Variants in WAPL observed in about 807,000 individuals in gnomAD.
The protein encoded by WAPL is wings apart-like protein homolog.
In WAPL, 5 loss-of-function variants were observed where a neutral mutation model predicts 121.0. The ratio of observed to expected loss-of-function variants is 0.04; its 90% confidence interval spans 0.02 to 0.09. The LOEUF (loss-of-function observed/expected upper bound fraction) is 0.09. Ranked by LOEUF, WAPL falls within the 10% of genes least tolerant of loss-of-function variation. The pLI is 1.00. For synonymous variants in WAPL, 480 were observed against 481.5 expected, an observed-to-expected ratio of 1.00 and a Z score of 0.04; for missense variants, 999 against 1,410.8, an observed-to-expected ratio of 0.71 and a Z score of 4.68.
intron 2 of WAPL, among the ~76,000 whole-genome samples, chr10:86,510,119 G>A (rs1248553955): frequency 2.9e-5 from 4 of 138,668 alleles, no homozygotes; most frequent in Non-Finnish European, 4.5e-5. Flanking sequence ...CTGTTGCCCA[G>A]GCTGGAGTGC....
intron 4 of WAPL, among the ~76,000 whole-genome samples, chr10:86,496,065 G>A (rs1363277138): frequency 1.3e-5 from 2 of 152,208 alleles, no homozygotes; most frequent in African/African-American, 4.8e-5. Flanking sequence ...AGTGAGCCAA[G>A]ATTGTGCTAC....
At chr10:86,453,017 CAAAAAAAAAAAAAAAAAAAAAAAAAAAAA>C (rs34469657) in intron 14 of WAPL, among the ~76,000 whole-genome samples, 174 bp downstream of exon 14, 4 of 58,232 alleles carry the variant, frequency 6.9e-5, no homozygotes, top group African/African-American at 1.1e-4. Flanking sequence ...CTCCATCTCC[CAAAAAAAAAAAAAAAAAAAAAAAAAAAAA>C]AAAAAAAAAA....
In WAPL at chr10:86,436,069, T is replaced by C. The variant is rs1252082254; in HGVS notation, c.*1474A>G. 1 of 152,614 alleles carries C rather than the reference T, an allele frequency of 6.6e-6. No individual in the cohort carries two copies. The highest frequency in any genetic ancestry group is 2.4e-5 in the African/African-American group (1 of 41,444). 9.5% of individuals were successfully genotyped at this position (152,614 alleles called of 1,614,324 possible). A position where few individuals can be genotyped will look rare whatever the true frequency, so the allele number is the denominator to read the frequency against. On this transcript the variant is annotated 3_prime_UTR_variant, in exon 19 of 19. Coordinates refer to ENST00000298767, the MANE Select transcript of WAPL (RefSeq NM_015045.5). ...AAACAATTTGCCTGGAATCAGTTACTTCCTTACAGATTTCCCAACAATCTG... is the reference window on the plus strand; with the variant it reads ...AAACAATTTGCCTGGAATCAGTTACCTCCTTACAGATTTCCCAACAATCTG...
intron 17 of WAPL, 110 bp downstream of exon 17, chr10:86,443,165 A>G: frequency 1.3e-6 from 1 of 791,186 alleles, no homozygotes; most frequent in East Asian, 2.7e-5. Context: ...TAAGTTGGAC[A>G]TTAAGGGGGA....
At position 86,474,071 on chromosome 10, in the gene WAPL, A is replaced by G. The variant is rs190754775; in HGVS notation, c.1645-98T>C. ...ATTTATATGCATAAACATGTCCTAG[A>G]AACAGCAGGATGGATACTATCTGGG... On this transcript the variant is annotated intron_variant, in intron 4 of 18. Transcript: ENST00000298767. 55 of 924,838 alleles carry G rather than the reference A, an allele frequency of 5.9e-5. 1 individual carries two copies. Among genetic ancestry groups the G allele is most frequent in the Admixed American group, 3.6e-4 (18 of 49,844 alleles). The allele number at this position is 924,838 out of a possible 1,614,324, so 57.3% of individuals were successfully genotyped here.
At chr10:86,440,769 C>T (rs1424405305) in intron 17 of WAPL, among the ~76,000 whole-genome samples, 1 of 151,496 alleles carries the variant, frequency 6.6e-6, no homozygotes, top group Non-Finnish European at 1.5e-5. Context: ...TCGGCGGTAC[C>T]CAGAGGGGCC....
chr10:86,495,067 AT>A (rs1842124320), intron 4 of WAPL, among the ~76,000 whole-genome samples: 3 of 152,236 alleles, frequency 2.0e-5, no homozygotes, highest in Admixed American at 2.0e-4. Context: ...TTCTTTAGTT[AT>A]TTAAAAGCAA....
intron 4 of WAPL, among the ~76,000 whole-genome samples, chr10:86,494,768 T>C (rs1288097064): frequency 6.6e-6 from 1 of 152,218 alleles, no homozygotes; most frequent in East Asian, 1.9e-4. Flanking sequence ...TAATGCAATG[T>C]ATGAAAGGTT....
intron 12 of WAPL, 67 bp from the exon 13 acceptor site, chr10:86,453,898 A>C: frequency 7.9e-7 from 1 of 1,269,858 alleles, no homozygotes; most frequent in Non-Finnish European, 1.0e-6. Flanking sequence ...ATTTCTATTT[A>C]CTTGAACCTA....
At chr10:86,444,892 CAA>C (rs35307250) in intron 16 of WAPL, among the ~76,000 whole-genome samples, 7,293 of 68,194 alleles carry the variant, frequency 0.11, 392 homozygotes, top group East Asian at 0.45. Context: ...GTTATTACGC[CAA>C]AAAAAAAAAA....
chr10:86,477,043 C>T (rs1336149332), intron 4 of WAPL, among the ~76,000 whole-genome samples: 1 of 152,012 alleles, frequency 6.6e-6, no homozygotes, highest in Non-Finnish European at 1.5e-5. Flanking sequence ...GGAAGTAGTC[C>T]AATTAGAACT....
chr10:86,453,178 T>C, intron 14 of WAPL, 42 bp downstream of exon 14: 1 of 1,586,542 alleles, frequency 6.3e-7, no homozygotes. Flanking sequence ...GCACACCTTA[T>C]TAGATATGAT....
chr10:86,518,186 CT>C, intron 1 of WAPL, 95 bp from the exon 2 acceptor site: 2 of 1,210,306 alleles, frequency 1.7e-6, no homozygotes, highest in Non-Finnish European at 1.1e-6. Flanking sequence ...TCCCTCATGA[CT>C]TTTGACACTC....
At chr10:86,494,129 C>T (rs369311642) in intron 4 of WAPL, among the ~76,000 whole-genome samples, 1 of 152,182 alleles carries the variant, frequency 6.6e-6, no homozygotes, top group African/African-American at 2.4e-5. Context: ...CTTCTAACTG[C>T]TACATACTAT....
At chr10:86,460,320 A>G (rs1841240144) in intron 11 of WAPL, 79 bp downstream of exon 11, 37 of 1,155,954 alleles carry the variant, frequency 3.2e-5, no homozygotes, top group Non-Finnish European at 4.7e-5. Context: ...GGTATATAAA[A>G]TATTTGGCAG....
In WAPL at chr10:86,473,899, T is replaced by C. The variant is rs753845014; in HGVS notation, c.1719A>G (p.Val573=). Residue 573 remains valine (V), a synonymous_variant, in exon 5 of 19, where the codon GTA becomes GTG. Transcript: ENST00000298767. ...PDSEELPGPP[V]VKPQSVTVRL... The stretch of plus-strand genomic sequence containing the variant: ...TTACTGTGACACTCTGAGGTTTTAC[T>C]ACTGGTGGCCCAGGCAGTTCTTCTG... The C allele has an allele frequency of 6.2e-7, 1 of 1,613,980 alleles. No homozygotes were observed. Among genetic ancestry groups the C allele is most frequent in the East Asian group, 2.2e-5 (1 of 44,848 alleles).
At chr10:86,473,461 T>G (rs1184915733) in intron 5 of WAPL, among the ~76,000 whole-genome samples, 1 of 152,180 alleles carries the variant, frequency 6.6e-6, no homozygotes, top group Non-Finnish European at 1.5e-5. Context: ...TTGAAAAGTA[T>G]TACTAGAATA....
At chr10:86,503,360 C>A (rs946588329) in intron 2 of WAPL, among the ~76,000 whole-genome samples, 1 of 152,120 alleles carries the variant, frequency 6.6e-6, no homozygotes, top group Non-Finnish European at 1.5e-5. Context: ...CCATGAAATA[C>A]AGTTGAGGCA....
intron 2 of WAPL, among the ~76,000 whole-genome samples, chr10:86,503,770 C>T (rs1842291531): frequency 6.7e-6 from 1 of 149,516 alleles, no homozygotes; most frequent in Admixed American, 6.6e-5. Flanking sequence ...AAAAAGAATA[C>T]ACACATGAAA....
Sources: allele counts gnomAD v4.1 joint callset (sites outside exome capture counted in the v4.1 genomes callset), GRCh38; gene constraint gnomAD v4.1.1; transcripts MANE v1.5; gene names NCBI Gene and HGNC (gene_info 2026-07-23, HGNC 2026-07-21).